Variants in FNIP2 observed in about 807,000 individuals in gnomAD.
The protein encoded by FNIP2 is folliculin-interacting protein 2.
A neutral mutation model predicts 108.7 loss-of-function variants in FNIP2; 32 were observed. That is an observed-to-expected ratio of 0.29 (90% CI 0.22 to 0.40). The LOEUF (loss-of-function observed/expected upper bound fraction) is 0.40, where lower values mean the gene tolerates loss of function less well. Among genes scored for constraint, FNIP2 ranks in the 10% least tolerant of loss-of-function variants. The pLI is 1.00. For missense variants in FNIP2, 1,202 were observed against 1,381.6 expected, an observed-to-expected ratio of 0.87 and a Z score of 2.06; for synonymous variants, 480 against 496.7, an observed-to-expected ratio of 0.97 and a Z score of 0.45.
chr4:158,856,125 C>G (rs918991320), intron 8 of FNIP2, among the ~76,000 whole-genome samples: 1 of 152,142 alleles, frequency 6.6e-6, no homozygotes, highest in Non-Finnish European at 1.5e-5. Context: ...CAGCTAACCT[C>G]AAGGATTCCA....
chr4:158,876,158 A>G (rs1006887977), intron 14 of FNIP2, among the ~76,000 whole-genome samples: 2 of 152,322 alleles, frequency 1.3e-5, no homozygotes, highest in African/African-American at 4.8e-5. Flanking sequence ...CCAATCTGAA[A>G]TCATTGTGAT....
Position 158,835,339 on chromosome 4 carries a change from C to G in FNIP2, c.656-66C>G, listed in dbSNP as rs187499077. 2,541 of 1,367,972 alleles carry G rather than the reference C, an allele frequency of 1.9e-3. 3 individuals carry two copies. The highest frequency in any genetic ancestry group is 2.4e-3 in the Non-Finnish European group (2,303 of 963,830). 84.7% of individuals were successfully genotyped at this position (1,367,972 alleles called of 1,614,324 possible). ...CTACTTTGAAATTTAAAAATTACTG[C>G]AGTCATTTTAAAAACTTTATCTCTG... On this transcript the variant is annotated intron_variant, in intron 6 of 16. Transcript: ENST00000264433.
intron 1 of FNIP2, among the ~76,000 whole-genome samples, chr4:158,797,335 T>C (rs1042193251): frequency 6.6e-6 from 1 of 152,228 alleles, no homozygotes; most frequent in African/African-American, 2.4e-5. Flanking sequence ...TTGACTTCCA[T>C]TGAATGGATT....
At chr4:158,815,443 C>T (rs1193145918) in intron 1 of FNIP2, among the ~76,000 whole-genome samples, 1 of 146,630 alleles carries the variant, frequency 6.8e-6, no homozygotes, top group African/African-American at 2.5e-5. Flanking sequence ...AATGCAGTGG[C>T]GCCAGCTCCG....
chr4:158,872,886 C>A, intron 14 of FNIP2: 1 of 548,418 alleles, frequency 1.8e-6, no homozygotes, highest in Non-Finnish European at 2.3e-6. Context: ...AATATGTTGC[C>A]AGAAAAAGAA....
chr4:158,812,855 C>T (rs538005301), intron 1 of FNIP2, among the ~76,000 whole-genome samples: 2 of 151,404 alleles, frequency 1.3e-5, no homozygotes, highest in African/African-American at 4.9e-5. Context: ...TAGATAGTTT[C>T]ACTGCCCTAG....
intron 1 of FNIP2, among the ~76,000 whole-genome samples, chr4:158,776,811 A>G (rs868687424): frequency 1.4e-4 from 22 of 152,366 alleles, no homozygotes; most frequent in African/African-American, 5.1e-4. Flanking sequence ...AATGAATTCA[A>G]GAGTTTTGAA....
At chr4:158,883,820 A>G (rs1390707152) in intron 14 of FNIP2, among the ~76,000 whole-genome samples, 1 of 151,874 alleles carries the variant, frequency 6.6e-6, no homozygotes, top group Non-Finnish European at 1.5e-5. Flanking sequence ...CACTTCTTGC[A>G]CTCTTGTCTT....
intron 1 of FNIP2, among the ~76,000 whole-genome samples, chr4:158,821,966 T>G (rs1206689188): frequency 6.6e-6 from 1 of 152,022 alleles, no homozygotes; most frequent in Non-Finnish European, 1.5e-5. Context: ...GGCACATGCC[T>G]GTAGTCCCAG....
chr4:158,798,487 T>C (rs1776661014), intron 1 of FNIP2, among the ~76,000 whole-genome samples: 1 of 152,254 alleles, frequency 6.6e-6, no homozygotes, highest in Non-Finnish European at 1.5e-5. Flanking sequence ...TCTTCTGCTA[T>C]AGCACTCACC....
In FNIP2 at chr4:158,891,756, AT is replaced by A. The variant is rs746392001; in HGVS notation, c.3150+112del. On this transcript the variant is annotated intron_variant, in intron 15 of 16. Coordinates refer to ENST00000264433, the MANE Select transcript of FNIP2 (RefSeq NM_020840.3). ...AAGTACTGTTTTAATATAATTGGAG[AT>A]TAGCATAACTAAAACTAGAACATGC... is the stretch of plus-strand genomic sequence containing the variant. 25 of 1,060,576 alleles carry A rather than the reference AT, an allele frequency of 2.4e-5. No individual in the cohort carries two copies. The African/African-American group carries it at 3.5e-4, about 15-fold the overall frequency. 65.7% of individuals were successfully genotyped at this position (1,060,576 alleles called of 1,614,324 possible). A position where few individuals can be genotyped will look rare whatever the true frequency, so the allele number is the denominator to read the frequency against.
At chr4:158,893,958 G>C (rs1782461307) in intron 15 of FNIP2, among the ~76,000 whole-genome samples, 1 of 152,024 alleles carries the variant, frequency 6.6e-6, no homozygotes, top group Non-Finnish European at 1.5e-5. Context: ...TTTATCTGCA[G>C]TTTAAAATTC....
chr4:158,845,469 C>T (rs996303964), intron 7 of FNIP2, among the ~76,000 whole-genome samples: 1 of 152,200 alleles, frequency 6.6e-6, no homozygotes, highest in African/African-American at 2.4e-5. Context: ...TGGACTCAAG[C>T]TCCTAGGCTC....
chr4:158,849,594 A>G (rs772742443), intron 7 of FNIP2, among the ~76,000 whole-genome samples: 12 of 152,176 alleles, frequency 7.9e-5, no homozygotes, highest in Non-Finnish European at 1.8e-4. Flanking sequence ...ACTAGGGGGC[A>G]GGACAGAAAC....
intron 15 of FNIP2, 30 bp from the exon 16 acceptor site, chr4:158,895,720 C>T: frequency 1.5e-6 from 2 of 1,371,880 alleles, no homozygotes. Context: ...TGACTTCTAG[C>T]CCTCATTGTG....
chr4:158,786,978 G>C (rs989212138), intron 1 of FNIP2, among the ~76,000 whole-genome samples: 1 of 151,564 alleles, frequency 6.6e-6, no homozygotes, highest in African/African-American at 2.4e-5. Context: ...GGGGGTCTCA[G>C]CTTTTTTTTT....
chr4:158,801,367 G>A (rs1776756205), intron 1 of FNIP2, among the ~76,000 whole-genome samples: 3 of 152,190 alleles, frequency 2.0e-5, no homozygotes, highest in Admixed American at 6.5e-5. Context: ...AACATTCTAG[G>A]TGGCACGGAA....
At position 158,859,225 on chromosome 4, in the gene FNIP2, T is replaced by C. The variant is rs879422631; in HGVS notation, c.1026T>C (p.Ser342=). The stretch of plus-strand genomic sequence containing the variant: ...TTTCTCATTTTCCCCTGTTTGAATC[T>C]CACATGAACAGGCTGAAGAGTGCAA... ...FFFSHFPLFE[S]HMNRLKSAIE... Residue 342 remains serine, a synonymous_variant, in exon 9 of 17, where the codon TCT becomes TCC. Coordinates refer to ENST00000264433, the MANE Select transcript of FNIP2 (RefSeq NM_020840.3). 6.2e-7 allele frequency: 1 copy of C among 1,611,370 alleles called. No homozygotes were observed.
chr4:158,905,251 T>G lies in FNIP2; in HGVS notation c.*707T>G, dbSNP rs1729732219. On this transcript the variant is annotated 3_prime_UTR_variant, in exon 17 of 17. Transcript: ENST00000264433. ...ATTGTTGGTGCAATAAACCCAAGAA[T>G]CAATGTAGCCTCTTAATCCCATCAA... 6.6e-6 allele frequency: 1 copy of G among 152,282 alleles called. No individual in the cohort carries two copies. The highest frequency in any genetic ancestry group is 2.4e-5 in the African/African-American group (1 of 41,464). 9.4% of individuals were successfully genotyped at this position (152,282 alleles called of 1,614,324 possible).
Sources: gnomAD v4.1 joint callset for allele counts (sites outside exome capture counted in the v4.1 genomes callset) on GRCh38, gnomAD v4.1.1 for gene constraint, MANE v1.5 for transcripts, NCBI Gene and HGNC (gene_info 2026-07-23, HGNC 2026-07-21) for gene names.